Variants in ANO3 observed in about 807,000 individuals in gnomAD.
ANO3 encodes anoctamin-3.
Under a neutral mutation model 144.8 loss-of-function variants are expected in ANO3, and 99 were observed. The observed-to-expected ratio is 0.68, with a 90% CI of 0.58 to 0.81. The LOEUF (loss-of-function observed/expected upper bound fraction) is 0.81. Ranked by LOEUF, ANO3 falls within the 30% of genes least tolerant of loss-of-function variation. ANO3 has a pLI of 0.00. For missense variants in ANO3, 905 were observed against 1,202.2 expected (o/e 0.75, Z 3.66); for synonymous variants, 414 against 392.6 (o/e 1.05, Z -0.64).
chr11:26,305,998 G>A (rs1854371198), upstream of ANO3, among the ~76,000 whole-genome samples: 1 of 151,772 alleles, frequency 6.6e-6, no homozygotes, highest in African/African-American at 2.4e-5. Context: ...TCTCGCTGTC[G>A]CCCAGGCTGG....
chr11:26,404,110 G>A (rs1857216594), intron 1 of ANO3, among the ~76,000 whole-genome samples: 1 of 151,790 alleles, frequency 6.6e-6, no homozygotes, highest in Non-Finnish European at 1.5e-5. Flanking sequence ...ACTACATGAA[G>A]GAGGGATTGT....
chr11:26,559,874 A>ACC, intron 14 of ANO3, 95 bp downstream of exon 14: 1 of 755,026 alleles, frequency 1.3e-6, no homozygotes, highest in Non-Finnish European at 2.2e-6. Flanking sequence ...ACACACACAC[A>ACC]CCATGAATCA....
At chr11:26,205,021 C>G (rs761485652) in intron 1 of ANO3, among the ~76,000 whole-genome samples, 1 of 152,090 alleles carries the variant, frequency 6.6e-6, no homozygotes, top group Non-Finnish European at 1.5e-5. Context: ...AGGAACCAAA[C>G]GAGTCCTTCC....
At chr11:26,262,921 G>A (rs1028604935) in intron 1 of ANO3, among the ~76,000 whole-genome samples, 3 of 152,080 alleles carry the variant, frequency 2.0e-5, no homozygotes, top group Non-Finnish European at 4.4e-5. Flanking sequence ...CCAGTCTAAG[G>A]TATTCTGTGG....
chr11:26,649,907 A>C (rs1264460447), intron 24 of ANO3, among the ~76,000 whole-genome samples: 2 of 152,212 alleles, frequency 1.3e-5, no homozygotes, highest in Non-Finnish European at 2.9e-5. Flanking sequence ...TAAGGATTTA[A>C]AATATACAGG....
At position 26,317,198 on chromosome 11, in the gene ANO3, C is replaced by T. The variant is rs144702565; in HGVS notation, c.-3+7479C>T. 4.8e-3 allele frequency among the ~76,000 whole-genome samples: 725 copies of T among 151,958 alleles called. 5 individuals carry two copies. The highest frequency in any genetic ancestry group is 5.4e-3 in the Non-Finnish European group (369 of 67,948). Reference sequence around the variant, plus strand: ...AGGTAAAAAATTGCTAGGTGCTATACGAGATAAGTTGTTACAGAGTTCAGA... The same window carrying T: ...AGGTAAAAAATTGCTAGGTGCTATATGAGATAAGTTGTTACAGAGTTCAGA... On this transcript the variant is annotated intron_variant, in intron 1 of 26. Coordinates refer to the ANO3 transcript ENST00000525139.
intron 8 of ANO3, among the ~76,000 whole-genome samples, chr11:26,532,058 C>A (rs748272075): frequency 1.8e-4 from 27 of 152,232 alleles, no homozygotes; most frequent in Non-Finnish European, 3.4e-4. Flanking sequence ...AGCTATAGGG[C>A]CTACGTTGCT....
chr11:26,651,120 T>TA (rs1223102281), intron 24 of ANO3, among the ~76,000 whole-genome samples: 14 of 152,160 alleles, frequency 9.2e-5, no homozygotes, highest in African/African-American at 3.1e-4. Flanking sequence ...TGATCTATAG[T>TA]AAAAAATATG....
intron 1 of ANO3, among the ~76,000 whole-genome samples, chr11:26,436,238 C>T (rs1858291029): frequency 6.6e-6 from 1 of 152,186 alleles, no homozygotes; most frequent in Non-Finnish European, 1.5e-5. Context: ...CTGGAGACAG[C>T]AAGGGCTAGT....
At chr11:26,277,529 T>G (rs1483071781) in intron 1 of ANO3, among the ~76,000 whole-genome samples, 1 of 152,088 alleles carries the variant, frequency 6.6e-6, no homozygotes, top group Non-Finnish European at 1.5e-5. Flanking sequence ...TCTCTCAAAA[T>G]CTTTTTGACT....
At chr11:26,438,712 A>T (rs1451096750) in intron 1 of ANO3, among the ~76,000 whole-genome samples, 1 of 150,730 alleles carries the variant, frequency 6.6e-6, no homozygotes, top group African/African-American at 2.4e-5. Context: ...CAAGGGGCAG[A>T]GGTTGCAGTG....
intron 14 of ANO3, among the ~76,000 whole-genome samples, chr11:26,568,363 C>T (rs1271791681): frequency 6.6e-6 from 1 of 151,858 alleles, no homozygotes; most frequent in East Asian, 1.9e-4. Context: ...TGGATTCAAA[C>T]CTTGACATGT....
chr11:26,534,643 G>A, intron 9 of ANO3, 81 bp downstream of exon 9: 1 of 947,244 alleles, frequency 1.1e-6, no homozygotes. Context: ...AACAGCTGTA[G>A]CTTTGCTTTA....
At chr11:26,274,482 A>G (rs1853515901) in intron 1 of ANO3, among the ~76,000 whole-genome samples, 1 of 152,146 alleles carries the variant, frequency 6.6e-6, no homozygotes, top group Non-Finnish European at 1.5e-5. Flanking sequence ...TGTGAATGAA[A>G]AAAAACCTTT....
intron 1 of ANO3, among the ~76,000 whole-genome samples, chr11:26,283,344 A>ATG (rs1230855487): frequency 1.1e-5 from 1 of 88,516 alleles, no homozygotes; most frequent in Non-Finnish European, 2.4e-5. Flanking sequence ...ATATATATAT[A>ATG]TATATATATA....
chr11:26,525,603 C>G, intron 6 of ANO3, 32 bp from the exon 7 acceptor site: 1 of 1,590,146 alleles, frequency 6.3e-7, no homozygotes, highest in Non-Finnish European at 8.6e-7. Flanking sequence ...TTTCCTGTGG[C>G]TTTCCTTAGC....
At chr11:26,252,942 A>G (rs1351578019) in intron 1 of ANO3, among the ~76,000 whole-genome samples, 2 of 152,204 alleles carry the variant, frequency 1.3e-5, no homozygotes, top group African/African-American at 4.8e-5. Flanking sequence ...TGAATGGTGT[A>G]AACAACAGGT....
intron 1 of ANO3, among the ~76,000 whole-genome samples, chr11:26,275,645 T>G (rs1853542574): frequency 1.3e-5 from 2 of 152,134 alleles, no homozygotes; most frequent in African/African-American, 4.8e-5. Flanking sequence ...GGTCAGAGGT[T>G]AGCTTTTCAC....
intron 1 of ANO3, among the ~76,000 whole-genome samples, chr11:26,248,253 G>T (rs1852844146): frequency 6.6e-6 from 1 of 152,024 alleles, no homozygotes. Flanking sequence ...CAGGAGAATC[G>T]CTTGAACCCG....
Sources: allele counts gnomAD v4.1 joint callset (sites outside exome capture counted in the v4.1 genomes callset), GRCh38; gene constraint gnomAD v4.1.1; transcripts MANE v1.5; gene names NCBI Gene and HGNC (gene_info 2026-07-23, HGNC 2026-07-21).